Variants in SLC45A4 observed in about 807,000 individuals in gnomAD.
SLC45A4 encodes solute carrier family 45 member 4.
A neutral mutation model predicts 63.7 loss-of-function variants in SLC45A4; 32 were observed. The observed-to-expected ratio is 0.50, with a 90% CI of 0.38 to 0.67. The LOEUF (loss-of-function observed/expected upper bound fraction) is 0.67. SLC45A4 is among the 30% of genes least tolerant of loss of function. The probability of loss-of-function intolerance (pLI) is 0.00; values close to 1 mark genes in which losing one functional copy is unlikely to be tolerated. For missense variants in SLC45A4, 1,027 were observed against 1,157.7 expected, an observed-to-expected ratio of 0.89 and a Z score of 1.64; for synonymous variants, 535 against 510.0, an observed-to-expected ratio of 1.05 and a Z score of -0.66.
intron 2 of SLC45A4, among the ~76,000 whole-genome samples, chr8:141,239,825 C>A (rs931407388): frequency 6.6e-6 from 1 of 152,176 alleles, no homozygotes; most frequent in Non-Finnish European, 1.5e-5. Flanking sequence ...TGACTCAGTG[C>A]GGGGCTGAGG....
rs746047948 is a variant in SLC45A4, at chr8:141,218,026, G to A, written c.1614C>T (p.Phe538=). 34 of 1,605,612 alleles carry A rather than the reference G, an allele frequency of 2.1e-5. No individual in the cohort carries two copies. Among genetic ancestry groups the A allele is most frequent in the Middle Eastern group, 1.7e-4 (1 of 6,050 alleles). ...FYTDFMGQVI[F]EGDPKAPSNS... ...GAGCACTCACCTTGGGGTCGCCTTC[G>A]AAGATGACCTGGCCCATGAAGTCGG... is the stretch of plus-strand genomic sequence containing the variant. Residue 538 remains phenylalanine, a synonymous_variant, in exon 5 of 9, where the codon TTC becomes TTT. Coordinates refer to ENST00000517878, the MANE Select transcript of SLC45A4 (RefSeq NM_001286646.2).
rs1014486759 is a variant in SLC45A4 at position 141,254,614 on chromosome 8, C to G, written c.-385G>C. 4 of 700,686 alleles carry G rather than the reference C, an allele frequency of 5.7e-6. No homozygotes were observed. The highest frequency in any genetic ancestry group is 4.0e-5 in the Admixed American group (2 of 49,932). The allele number at this position is 700,686 out of a possible 1,614,324, so 43.4% of individuals were successfully genotyped here. On this transcript the variant is annotated 5_prime_UTR_variant, in exon 2 of 9. Coordinates refer to ENST00000517878, the MANE Select transcript of SLC45A4 (RefSeq NM_001286646.2). This position sits in a 1 kb window ranked among gnomAD's most constrained non-coding sequence, Gnocchi z 4.5. Reference sequence around the variant, plus strand: ...CAGGTGGTCCGCTGGTAATCCCCATCGAGTGACTGGATGATCTGCAAAAGA... The same window carrying G: ...CAGGTGGTCCGCTGGTAATCCCCATGGAGTGACTGGATGATCTGCAAAAGA...
intron 2 of SLC45A4, among the ~76,000 whole-genome samples, chr8:141,223,627 G>A (rs1589776055): frequency 6.6e-6 from 1 of 152,164 alleles, no homozygotes; most frequent in Non-Finnish European, 1.5e-5. Flanking sequence ...GTAGCAGCGC[G>A]CTGGTTCTCA....
intron 2 of SLC45A4, chr8:141,224,349 GGCTTTCTGGA>G (rs1425322410): frequency 1.3e-5 from 2 of 152,182 alleles, no homozygotes; most frequent in Non-Finnish European, 2.9e-5. Flanking sequence ...ATCCTGGTTG[GGCTTTCTGGA>G]GCTTTATGAA....
chr8:141,304,766 C>T (rs138455348), intron 1 of SLC45A4, among the ~76,000 whole-genome samples: 248 of 152,230 alleles, frequency 1.6e-3, no homozygotes, highest in African/African-American at 5.6e-3. Flanking sequence ...ACACCCACGT[C>T]GTCTGAGGTG....
At chr8:141,304,848 T>A (rs190743902) in intron 1 of SLC45A4, among the ~76,000 whole-genome samples, 6 of 152,314 alleles carry the variant, frequency 3.9e-5, no homozygotes, top group Non-Finnish European at 7.4e-5. Context: ...AAGTGGGTTA[T>A]GCGGCTGCCC....
intron 7 of SLC45A4, among the ~76,000 whole-genome samples, chr8:141,214,649 A>G (rs965392218): frequency 2.0e-5 from 3 of 152,248 alleles, no homozygotes; most frequent in Non-Finnish European, 4.4e-5. Context: ...GAAGAAGAAC[A>G]AAGTTGAGGG....
chr8:141,270,661 T>C (rs1240108912), intron 1 of SLC45A4, among the ~76,000 whole-genome samples: 1 of 152,134 alleles, frequency 6.6e-6, no homozygotes, highest in Non-Finnish European at 1.5e-5. Context: ...ACAGAGTCTC[T>C]GTCCCGTGTC....
At position 141,212,350 on chromosome 8, in the gene SLC45A4, A is replaced by G. The variant is rs1213629306; in HGVS notation, c.2148T>C (p.Tyr716=). 4 of 1,613,546 alleles carry G rather than the reference A, an allele frequency of 2.5e-6. No homozygotes were observed. Among genetic ancestry groups the G allele is most frequent in the Admixed American group, 1.7e-5 (1 of 60,020 alleles). The part of the protein sequence containing the change: ...GFLTATFLVI[Y]PNVSEEAKEE... ...CCTTGGCCTCCTCTGACACGTTGGGATAGATCACCAGGAATGTGGCCGTCA... is the reference window on the plus strand; with the variant it reads ...CCTTGGCCTCCTCTGACACGTTGGGGTAGATCACCAGGAATGTGGCCGTCA... The change falls in exon 8 of 9, where the codon TAT becomes TAC. Residue 716 remains tyrosine, a synonymous_variant. Coordinates refer to ENST00000517878, the MANE Select transcript of SLC45A4 (RefSeq NM_001286646.2).
chr8:141,235,971 G>T (rs1261979170), intron 2 of SLC45A4, among the ~76,000 whole-genome samples: 1 of 152,132 alleles, frequency 6.6e-6, no homozygotes, highest in Non-Finnish European at 1.5e-5. Flanking sequence ...GGGTGTGGTG[G>T]TATGTGCCTG....
chr8:141,286,306 C>A lies in SLC45A4; in HGVS notation c.-401+21790G>T, dbSNP rs564459450. Among the ~76,000 whole-genome samples, 94 of 152,278 alleles carry A rather than the reference C, an allele frequency of 6.2e-4. 2 individuals carry two copies. Among genetic ancestry groups the A allele is most frequent in the Admixed American group, 2.7e-3 (41 of 15,298 alleles). ...TGGTTTACTGCATGTTCAGAAAAGGCCTCCACCCTCACCACCCTGCGTGAG... is the reference window on the plus strand; with the variant it reads ...TGGTTTACTGCATGTTCAGAAAAGGACTCCACCCTCACCACCCTGCGTGAG... On this transcript the variant is annotated intron_variant, in intron 1 of 8. Transcript: ENST00000517878.
At chr8:141,294,894 G>A (rs1346727993) in intron 1 of SLC45A4, among the ~76,000 whole-genome samples, 1 of 152,228 alleles carries the variant, frequency 6.6e-6, no homozygotes, top group Non-Finnish European at 1.5e-5. Context: ...GGGGCTCCCA[G>A]GGCACTCCCA....
In SLC45A4 at chr8:141,218,926, G is replaced by A. The variant is rs140423645; in HGVS notation, c.714C>T (p.Ala238=). 4.0e-5 allele frequency: 65 copies of A among 1,613,652 alleles called. No homozygotes were observed. Among genetic ancestry groups the A allele is most frequent in the South Asian group, 9.9e-5 (9 of 91,088 alleles). The part of the protein sequence containing the change: ...RTQNQVLFFF[A]AIIFTVSVAL... The stretch of plus-strand genomic sequence containing the variant: ...CCACGGACACCGTGAAGATGATGGC[G>A]GCAAAGAAGAAGAGCACCTGGTTCT... Residue 238 remains alanine (A), a synonymous_variant, in exon 5 of 9, where the codon GCC becomes GCT. Coordinates refer to ENST00000517878, the MANE Select transcript of SLC45A4 (RefSeq NM_001286646.2).
chr8:141,259,353 C>T (rs751921303), intron 1 of SLC45A4, among the ~76,000 whole-genome samples: 19 of 152,236 alleles, frequency 1.2e-4, no homozygotes, highest in Non-Finnish European at 2.5e-4. Context: ...TGCACACAGG[C>T]CCCACCTCAG....
rs567405212 is a variant in SLC45A4 at position 141,211,388 on chromosome 8, C to G, written c.*184G>C. 6.6e-7 allele frequency: 1 copy of G among 1,513,926 alleles called. No individual in the cohort carries two copies. Among genetic ancestry groups the G allele is most frequent in the African/African-American group, 1.4e-5 (1 of 71,524 alleles). The allele number at this position is 1,513,926 out of a possible 1,614,324, so 93.8% of individuals were successfully genotyped here. A position where few individuals can be genotyped will look rare whatever the true frequency, so the allele number is the denominator to read the frequency against. On this transcript the variant is annotated 3_prime_UTR_variant, in exon 9 of 9. Transcript: ENST00000517878. ...TCGTCTGGAGCTCACGCTCCGCCCC[C>G]AGGTGGTGCCCAGCCCATCCCTGGG...
At chr8:141,217,218 G>A (rs773418610) in intron 5 of SLC45A4, 29 bp from the exon 6 acceptor site, 16 of 1,606,514 alleles carry the variant, frequency 1.0e-5, no homozygotes, top group African/African-American at 4.0e-5. Context: ...GGGGGCTGAC[G>A]AGGGCATCTG....
At chr8:141,239,574 GCACACACA>G (rs56366558) in intron 2 of SLC45A4, among the ~76,000 whole-genome samples, 18 of 144,478 alleles carry the variant, frequency 1.2e-4, no homozygotes, top group South Asian at 4.4e-4. Flanking sequence ...CAGGAGCAAA[GCACACACA>G]CACACACACA....
Position 141,300,898 on chromosome 8 carries a change from G to A in SLC45A4, c.-401+7198C>T, listed in dbSNP as rs549572008. On this transcript the variant is annotated intron_variant, in intron 1 of 8. Transcript: ENST00000517878. ...AGTAAAGCTTAACATGGAGCAGCAC[G>A]GACCCCGTGACTCGACGAAGTGGCG... Among the ~76,000 whole-genome samples, 90 of 152,358 alleles carry A rather than the reference G, an allele frequency of 5.9e-4. 1 individual carries two copies. The highest frequency in any genetic ancestry group is 3.3e-3 in the South Asian group (16 of 4,834).
intron 1 of SLC45A4, among the ~76,000 whole-genome samples, chr8:141,291,834 A>G (rs1369056341): frequency 6.6e-6 from 1 of 152,246 alleles, no homozygotes; most frequent in Non-Finnish European, 1.5e-5. Flanking sequence ...CCCAGGACAG[A>G]CCCAGCCAAG....
Sources: gnomAD v4.1 joint callset for allele counts (sites outside exome capture counted in the v4.1 genomes callset) on GRCh38, gnomAD v4.1.1 for gene constraint, Gnocchi (gnomAD v3.1) non-coding constraint, MANE v1.5 for transcripts, NCBI Gene and HGNC (gene_info 2026-07-23, HGNC 2026-07-21) for gene names.